KCNQ1: variants seen among roughly 807,000 people sequenced by gnomAD.
KCNQ1 encodes potassium voltage-gated channel subfamily Q member 1.
KCNQ1 carries 49 observed loss-of-function variants against 72.4 expected under a neutral mutation model. The observed-to-expected ratio is 0.68, with a 90% CI of 0.54 to 0.86. The LOEUF (loss-of-function observed/expected upper bound fraction) is 0.86. KCNQ1 is among the 40% of genes least tolerant of loss of function. The pLI is 0.00. For synonymous variants in KCNQ1, 450 were observed against 412.6 expected (o/e 1.09, Z -1.10); for missense variants, 790 against 945.1 (o/e 0.84, Z 2.15).
intron 11 of KCNQ1, among the ~76,000 whole-genome samples, chr11:2,744,953 T>G (rs1305301743): frequency 2.0e-5 from 3 of 152,144 alleles, no homozygotes; most frequent in African/African-American, 7.2e-5. Flanking sequence ...TTCCCGAGTA[T>G]ACAAGGGTGT....
At chr11:2,557,013 A>C (rs1457125138) in intron 2 of KCNQ1, among the ~76,000 whole-genome samples, 1 of 152,264 alleles carries the variant, frequency 6.6e-6, no homozygotes, top group Non-Finnish European at 1.5e-5. Context: ...TTTGAAAGAC[A>C]GAGAAGGCCG....
At chr11:2,587,890 G>A (rs914492785) in intron 9 of KCNQ1, among the ~76,000 whole-genome samples, 198 bp downstream of exon 9, 1 of 152,184 alleles carries the variant, frequency 6.6e-6, no homozygotes, top group Non-Finnish European at 1.5e-5. Context: ...CGACTTGGGG[G>A]TATGTAGGAC....
At chr11:2,634,135 A>ATTTT (rs35461041) in intron 10 of KCNQ1, 11 of 382,550 alleles carry the variant, frequency 2.9e-5, no homozygotes, top group African/African-American at 1.1e-4. Flanking sequence ...TGTCTTTGGT[A>ATTTT]TTTTTTTTTT....
rs977415583 is a variant in KCNQ1, at chr11:2,671,552, T to C, written c.1514+9471T>C. The C allele has an allele frequency of 1.3e-5, 5 of 398,640 alleles. No individual in the cohort carries two copies. Among genetic ancestry groups the C allele is most frequent in the African/African-American group, 8.2e-5 (4 of 48,764 alleles). 24.7% of individuals were successfully genotyped at this position (398,640 alleles called of 1,614,324 possible). A position where few individuals can be genotyped will look rare whatever the true frequency, so the allele number is the denominator to read the frequency against. ...GTTAATTTTGACTCTGCCTGACTTA[T>C]CTCCTAAGTCTTTGGCACTGAGCAT... On this transcript the variant is annotated intron_variant, in intron 11 of 15. Coordinates refer to ENST00000155840, the MANE Select transcript of KCNQ1 (RefSeq NM_000218.3). The surrounding 1 kb of genome is among the most constrained non-coding windows in gnomAD (Gnocchi z 4.7).
chr11:2,572,019 C>T lies in KCNQ1; in HGVS notation c.690C>T (p.Ile230=). 6.2e-7 allele frequency: 1 copy of T among 1,612,388 alleles called. No homozygotes were observed. The highest frequency in any genetic ancestry group is 8.5e-7 in the Non-Finnish European group (1 of 1,179,600). Residue 230 remains isoleucine, a synonymous_variant, in exon 5 of 16, where the codon ATC becomes ATT. Transcript: ENST00000155840. ...CACACCATCTCCTTCGCAGGGGCATCCGCTTCCTGCAGATCCTGAGGATGC... is the reference window on the plus strand; with the variant it reads ...CACACCATCTCCTTCGCAGGGGCATTCGCTTCCTGCAGATCCTGAGGATGC... ...QVFATSAIRG[I]RFLQILRMLH... is the part of the protein sequence containing the mutation.
chr11:2,445,874 G>T (rs1018867259), intron 1 of KCNQ1, among the ~76,000 whole-genome samples: 1 of 152,122 alleles, frequency 6.6e-6, no homozygotes, highest in African/African-American at 2.4e-5. Context: ...AGGCTCAGGA[G>T]CCCCCAAGAG....
In KCNQ1 at chr11:2,491,769, G is replaced by A. The variant is rs561437630; in HGVS notation, c.387-36159G>A. On this transcript the variant is annotated intron_variant, in intron 1 of 15. Transcript: ENST00000155840. The surrounding 1 kb of genome is among the most constrained non-coding windows in gnomAD (Gnocchi z 4.1). ...TTAACCCAAAGAAGACTACCTCAAG[G>A]TATTTAATAGTCAAAGTTCCAAAGG... Among the ~76,000 whole-genome samples the A allele has an allele frequency of 6.6e-6, 1 of 152,140 alleles. No homozygotes were observed. Among genetic ancestry groups the A allele is most frequent in the Non-Finnish European group, 1.5e-5 (1 of 68,006 alleles).
rs989154378 is a variant in KCNQ1, at chr11:2,464,264, C to A, written c.386+18780C>A. Among the ~76,000 whole-genome samples, 5 of 152,094 alleles carry A rather than the reference C, an allele frequency of 3.3e-5. No individual in the cohort carries two copies. The highest frequency in any genetic ancestry group is 6.5e-5 in the Admixed American group (1 of 15,268). ...GATAACAAGCCTTCGTCGTGGTCAC[C>A]CCTGGGTGTGGGCTGTGGGTTTTAA... On this transcript the variant is annotated intron_variant, in intron 1 of 15. Transcript: ENST00000155840. The surrounding 1 kb of genome is among the most constrained non-coding windows in gnomAD (Gnocchi z 5.0).
At chr11:2,662,674 T>G (rs1341481129) in intron 11 of KCNQ1, 1 of 405,118 alleles carries the variant, frequency 2.5e-6, no homozygotes, top group South Asian at 1.2e-4. Context: ...GACTCCCCGC[T>G]GGGGTGCCCA....
At chr11:2,753,359 A>G (rs777389430) in intron 11 of KCNQ1, among the ~76,000 whole-genome samples, 2 of 152,146 alleles carry the variant, frequency 1.3e-5, no homozygotes, top group Non-Finnish European at 2.9e-5. Flanking sequence ...GAGGGAGGCC[A>G]GCTTCAGCTG....
Position 2,725,776 on chromosome 11 carries a change from G to T in KCNQ1, c.1515-43068G>T, listed in dbSNP as rs1359904844. 1.3e-5 allele frequency among the ~76,000 whole-genome samples: 2 copies of T among 151,324 alleles called. No homozygotes were observed. Among genetic ancestry groups the T allele is most frequent in the African/African-American group, 4.9e-5 (2 of 41,116 alleles). ...CTTGTGTGAAAGCTATCTCCCCCAG[G>T]CCCCACCCCCGCCCCCACCCAAAGC... is the stretch of plus-strand genomic sequence containing the variant. On this transcript the variant is annotated intron_variant, in intron 11 of 15. Coordinates refer to ENST00000155840, the MANE Select transcript of KCNQ1 (RefSeq NM_000218.3). This position sits in a 1 kb window ranked among gnomAD's most constrained non-coding sequence, Gnocchi z 7.2.
chr11:2,668,384 A>T lies in KCNQ1; in HGVS notation c.1514+6303A>T, dbSNP rs536598259. The T allele has an allele frequency of 2.5e-6, 1 of 398,530 alleles. No individual in the cohort carries two copies. The highest frequency in any genetic ancestry group is 2.1e-5 in the African/African-American group (1 of 48,632). 24.7% of individuals were successfully genotyped at this position (398,530 alleles called of 1,614,324 possible). ...TTACTCTTAGTGAATACTACCCAGC[A>T]GTCTACCAAAGGAGTCATTCCAATT... is the stretch of plus-strand genomic sequence containing the variant. On this transcript the variant is annotated intron_variant, in intron 11 of 15. Coordinates refer to ENST00000155840, the MANE Select transcript of KCNQ1 (RefSeq NM_000218.3). The surrounding 1 kb of genome is among the most constrained non-coding windows in gnomAD (Gnocchi z 4.3).
At chr11:2,525,503 G>A (rs903818777) in intron 1 of KCNQ1, among the ~76,000 whole-genome samples, 2 of 152,280 alleles carry the variant, frequency 1.3e-5, no homozygotes, top group Non-Finnish European at 2.9e-5. Flanking sequence ...TGGACATCCT[G>A]TCCAAGCTGG....
chr11:2,673,776 A>G lies in KCNQ1; in HGVS notation c.1514+11695A>G. 1 of 398,648 alleles carries G rather than the reference A, an allele frequency of 2.5e-6. No homozygotes were observed. Among genetic ancestry groups the G allele is most frequent in the Non-Finnish European group, 4.4e-6 (1 of 226,104 alleles). 24.7% of individuals were successfully genotyped at this position (398,648 alleles called of 1,614,324 possible). On this transcript the variant is annotated intron_variant, in intron 11 of 15. Coordinates refer to ENST00000155840, the MANE Select transcript of KCNQ1 (RefSeq NM_000218.3). The surrounding 1 kb of genome is among the most constrained non-coding windows in gnomAD (Gnocchi z 4.5). ...AGTCCCTTCTTGCTGGTATGTTGGG[A>G]AGCTCTGGTGCAAAGGGCAGTGATG... is the stretch of plus-strand genomic sequence containing the variant.
In KCNQ1 at chr11:2,792,666, A is replaced by G. The variant is rs562551823; in HGVS notation, c.1794+14629A>G. 3.5e-4 allele frequency among the ~76,000 whole-genome samples: 53 copies of G among 152,132 alleles called. 2 individuals are homozygous for G. In the South Asian group the frequency reaches 0.011, roughly 30 times the overall value. On this transcript the variant is annotated intron_variant, in intron 15 of 15. Coordinates refer to ENST00000155840, the MANE Select transcript of KCNQ1 (RefSeq NM_000218.3). The stretch of plus-strand genomic sequence containing the variant: ...GGGTGCGGGCTGAGGCAGTGCCTGG[A>G]CCACCTTGGCAACAGCAGGAGGCAC...
chr11:2,465,937 G>A (rs772951893), intron 1 of KCNQ1, among the ~76,000 whole-genome samples: 2 of 152,164 alleles, frequency 1.3e-5, no homozygotes, highest in East Asian at 1.9e-4. Flanking sequence ...TGCACCTGCC[G>A]GGCTCATGAC....
chr11:2,684,048 C>T, intron 11 of KCNQ1: 2 of 398,262 alleles, frequency 5.0e-6, no homozygotes, highest in South Asian at 1.3e-4. Flanking sequence ...CCCCCTTTAT[C>T]AAGACATTGT....
rs577112413 is a variant in KCNQ1 at position 2,582,114 on chromosome 11, T to C, written c.922-1321T>C. Among the ~76,000 whole-genome samples, 12 of 152,340 alleles carry C rather than the reference T, an allele frequency of 7.9e-5. No homozygotes were observed. The South Asian group carries it at 2.3e-3, about 29-fold the overall frequency. ...CGTTCATCACTGTTCGTTAACGTGC[T>C]CATCGGTACAGCCTGGTTTCCCGCA... On this transcript the variant is annotated intron_variant, in intron 6 of 15. Transcript: ENST00000155840.
chr11:2,459,544 G>T lies in KCNQ1; in HGVS notation c.386+14060G>T, dbSNP rs1006641204. 2.8e-4 allele frequency among the ~76,000 whole-genome samples: 43 copies of T among 152,252 alleles called. 1 individual carries two copies. The highest frequency in any genetic ancestry group is 1.0e-3 in the African/African-American group (42 of 41,558). On this transcript the variant is annotated intron_variant, in intron 1 of 15. Coordinates refer to ENST00000155840, the MANE Select transcript of KCNQ1 (RefSeq NM_000218.3). ...CCAGTCTGTAGCTCCCTCTGTGGGG[G>T]CAGGCTGTGGCACTGTGGCGACTGG...
Sources: allele counts gnomAD v4.1 joint callset (sites outside exome capture counted in the v4.1 genomes callset), GRCh38; gene constraint gnomAD v4.1.1; non-coding constraint Gnocchi (gnomAD v3.1); transcripts MANE v1.5; gene names NCBI Gene and HGNC (gene_info 2026-07-23, HGNC 2026-07-21).